The following MAP4 variants were observed in gnomAD, a reference collection of about 807,000 sequenced individuals.
The protein encoded by MAP4 is microtubule-associated protein 4.
A neutral mutation model predicts 170.2 loss-of-function variants in MAP4; 76 were observed. The ratio of observed to expected loss-of-function variants is 0.45; its 90% CI spans 0.37 to 0.54. The LOEUF is 0.54. MAP4 is among the 20% of genes least tolerant of loss of function. MAP4 has a pLI of 0.00. For missense variants in MAP4, 2,506 were observed against 2,748.0 expected (o/e 0.91, Z 1.97); for synonymous variants, 909 against 994.5 (o/e 0.91, Z 1.62).
chr3:48,079,285 C>T (rs1165639426), intron 1 of MAP4, among the ~76,000 whole-genome samples: 1 of 151,848 alleles, frequency 6.6e-6, no homozygotes. Flanking sequence ...TTCCAAAATC[C>T]AAAAAATCCA....
At chr3:47,932,781 C>G (rs1235243695) in intron 3 of MAP4, among the ~76,000 whole-genome samples, 1 of 152,198 alleles carries the variant, frequency 6.6e-6, no homozygotes, top group African/African-American at 2.4e-5. Context: ...GGTGCAGCGG[C>G]TGTTCACAGG....
At chr3:47,989,164 A>G (rs1043887348) in intron 2 of MAP4, among the ~76,000 whole-genome samples, 7 of 152,212 alleles carry the variant, frequency 4.6e-5, no homozygotes, top group Admixed American at 4.6e-4. Flanking sequence ...TAATCCCAGC[A>G]CTTTGGGAGG....
At chr3:48,064,541 C>T (rs2100137453) in intron 1 of MAP4, among the ~76,000 whole-genome samples, 1 of 152,134 alleles carries the variant, frequency 6.6e-6, no homozygotes, top group Admixed American at 6.6e-5. Flanking sequence ...GTCAGTTCTG[C>T]TTGAATTACT....
In MAP4 at chr3:47,926,076, G is replaced by A. The variant is rs192798535; in HGVS notation, c.415+2152C>T. On this transcript the variant is annotated intron_variant, in intron 4 of 20. Transcript: ENST00000683076. ...TCACCATGTTGGCCAGGCTGGTCTCGAACTCCTGACCTCAGGTGATCTGCC... is the reference window on the plus strand; with the variant it reads ...TCACCATGTTGGCCAGGCTGGTCTCAAACTCCTGACCTCAGGTGATCTGCC... Among the ~76,000 whole-genome samples the A allele has an allele frequency of 8.6e-4, 130 of 151,902 alleles. 1 individual carries two copies. The highest frequency in any genetic ancestry group is 2.9e-3 in the African/African-American group (122 of 41,414).
chr3:47,976,033 G>A (rs1381261244), intron 3 of MAP4, among the ~76,000 whole-genome samples: 1 of 152,028 alleles, frequency 6.6e-6, no homozygotes, highest in African/African-American at 2.4e-5. Context: ...CAGGTGATCC[G>A]CCCGCCTCGG....
intron 17 of MAP4, among the ~76,000 whole-genome samples, chr3:47,862,555 G>A (rs1248907158): frequency 6.6e-6 from 1 of 151,540 alleles, no homozygotes; most frequent in South Asian, 2.1e-4. Context: ...TTGCCTCACT[G>A]CAACCTCTGC....
chr3:47,921,031 T>C (rs2100042565), intron 5 of MAP4, among the ~76,000 whole-genome samples: 1 of 152,096 alleles, frequency 6.6e-6, no homozygotes, highest in African/African-American at 2.4e-5. Flanking sequence ...ACACCTGTAA[T>C]CCCAGCTGCT....
chr3:47,896,389 C>T (rs931923074), intron 10 of MAP4, among the ~76,000 whole-genome samples: 4 of 152,068 alleles, frequency 2.6e-5, no homozygotes, highest in Non-Finnish European at 4.4e-5. Flanking sequence ...ATTAGCCGGG[C>T]GTGGTGGCAC....
Position 48,053,528 on chromosome 3 carries a change from TTTTA to T in MAP4, c.-20+35241_-20+35244del, listed in dbSNP as rs1210628977. Among the ~76,000 whole-genome samples the T allele has an allele frequency of 1.1e-4, 17 of 152,278 alleles. No homozygotes were observed. The East Asian group carries it at 2.5e-3, about 22-fold the overall frequency. On this transcript the variant is annotated intron_variant, in intron 1 of 18. Transcript: ENST00000360240. Reference sequence around the variant, plus strand: ...AGCATTCGTAAAGCCACATGAACACTTTTATTTTTTTTATTTTTAAACTTTAAAA... The same window carrying T: ...AGCATTCGTAAAGCCACATGAACACTTTTTTTTTATTTTTAAACTTTAAAA...
Position 47,912,401 on chromosome 3 carries a change from T to C in MAP4, c.2020A>G (p.Thr674Ala). 2 of 1,486,050 alleles carry C rather than the reference T, an allele frequency of 1.3e-6. No individual in the cohort carries two copies. The highest frequency in any genetic ancestry group is 1.8e-6 in the Non-Finnish European group (2 of 1,119,984). 92.1% of individuals were successfully genotyped at this position (1,486,050 alleles called of 1,614,324 possible). ...ETSANFMYCGTPPTQAKQVCR... is the reference protein window; with the variant it reads ...ETSANFMYCGAPPTQAKQVCR... ...ACTTGTTTGGCTTGTGTGGGAGGGG[T>C]ACCGCAATACATGAAGTTGGCTAAA... is the stretch of plus-strand genomic sequence containing the variant. Residue 674 changes from threonine to alanine, a missense_variant, in exon 9 of 21, where the codon ACC becomes GCC. Thr to Ala is a moderately conservative substitution (Grantham distance 58). Transcript: ENST00000683076.
At chr3:47,892,283 C>G (rs1467907453) in intron 10 of MAP4, 1 of 1,536,194 alleles carries the variant, frequency 6.5e-7, no homozygotes, top group Non-Finnish European at 8.7e-7. Flanking sequence ...CTCCAGGAAG[C>G]TGGCATTCTT....
chr3:47,865,261 T>C (rs1054863076), intron 17 of MAP4, among the ~76,000 whole-genome samples: 1 of 152,198 alleles, frequency 6.6e-6, no homozygotes, highest in Non-Finnish European at 1.5e-5. Context: ...TATATCTCTA[T>C]GTCTCACCTA....
At position 47,909,026 on chromosome 3, in the gene MAP4, G is replaced by A. The variant is rs780962603; in HGVS notation, c.5383+12C>T. On this transcript the variant is annotated intron_variant, in intron 9 of 20. Coordinates refer to ENST00000683076, the MANE Select transcript of MAP4 (RefSeq NM_001385682.1). ...CCACAAGCACACACATTTCCCCATGGCAGGTTCATACCAGCGGACTTCAGT... is the reference window on the plus strand; with the variant it reads ...CCACAAGCACACACATTTCCCCATGACAGGTTCATACCAGCGGACTTCAGT... The A allele has an allele frequency of 1.9e-6, 3 of 1,604,646 alleles. No individual in the cohort carries two copies. The Admixed American group carries it at 5.1e-5, about 27-fold the overall frequency.
At chr3:47,933,652 G>A (rs2100051158) in intron 3 of MAP4, among the ~76,000 whole-genome samples, 1 of 149,624 alleles carries the variant, frequency 6.7e-6, no homozygotes, top group Non-Finnish European at 1.5e-5. Flanking sequence ...CCAGGCTGGA[G>A]TGCAGTGGCG....
intron 3 of MAP4, among the ~76,000 whole-genome samples, chr3:47,930,584 T>C (rs201637318): frequency 6.6e-6 from 1 of 152,212 alleles, no homozygotes; most frequent in Non-Finnish European, 1.5e-5. Flanking sequence ...GATTTGTATG[T>C]AGAAGAGATT....
chr3:47,883,586 C>A (rs2097134178), intron 10 of MAP4, among the ~76,000 whole-genome samples: 2 of 152,200 alleles, frequency 1.3e-5, no homozygotes, highest in Admixed American at 1.3e-4. Context: ...AAGCCTCCTT[C>A]TGTTACCAAA....
chr3:47,866,863 A>G (rs898049606), intron 17 of MAP4, among the ~76,000 whole-genome samples: 1 of 152,214 alleles, frequency 6.6e-6, no homozygotes. Flanking sequence ...TCTGTCTCAG[A>G]GAAGTTACTT....
chr3:47,983,524 C>CT (rs2100086668), intron 2 of MAP4, among the ~76,000 whole-genome samples: 1 of 152,064 alleles, frequency 6.6e-6, no homozygotes, highest in East Asian at 1.9e-4. Context: ...GTAGCTGGGG[C>CT]TACAGGCATG....
At chr3:47,923,597 A>T (rs2100044173) in intron 4 of MAP4, among the ~76,000 whole-genome samples, 1 of 151,572 alleles carries the variant, frequency 6.6e-6, no homozygotes, top group South Asian at 2.1e-4. Flanking sequence ...ATCTTTAAAA[A>T]CAAAAAACAC....
Sources: allele counts gnomAD v4.1 joint callset (sites outside exome capture counted in the v4.1 genomes callset), GRCh38; gene constraint gnomAD v4.1.1; transcripts MANE v1.5; gene names NCBI Gene and HGNC (gene_info 2026-07-23, HGNC 2026-07-21).